NOTCH2NLB: variants seen among roughly 807,000 people sequenced by gnomAD.
The protein encoded by NOTCH2NLB is notch homolog 2 N-terminal-like protein B.
In NOTCH2NLB, 1 loss-of-function variant was observed where a neutral mutation model predicts 14.8. The ratio of observed to expected loss-of-function variants is 0.07; its 90% CI spans 0.02 to 0.32. NOTCH2NLB has a LOEUF of 0.32. Among genes scored for constraint, NOTCH2NLB ranks in the 10% least tolerant of loss-of-function variants. NOTCH2NLB has a pLI of 1.00. For synonymous variants in NOTCH2NLB, 6 were observed against 57.5 expected, an observed-to-expected ratio of 0.10 and a Z score of 4.05; for missense variants, 11 against 155.0, an observed-to-expected ratio of 0.07 and a Z score of 4.93.
downstream of NOTCH2NLB, among the ~76,000 whole-genome samples, chr1:148,605,396 T>C (rs1219007263): frequency 0.11 from 16,338 of 142,700 alleles, 2,560 homozygotes; most frequent in African/African-American, 0.23. Context: ...TTCTCTTCAT[T>C]GAATCTCCCC....
intron 2 of NOTCH2NLB, among the ~76,000 whole-genome samples, chr1:148,627,663 C>T (rs1390685949): frequency 2.0e-5 from 3 of 151,892 alleles, no homozygotes; most frequent in Non-Finnish European, 4.4e-5. Context: ...TGGCTAAGCC[C>T]TAAAATTTCA....
the NOTCH2NLB span, among the ~76,000 whole-genome samples, chr1:148,693,087 C>CA: frequency 1.2e-5 from 1 of 81,330 alleles, no homozygotes; most frequent in Non-Finnish European, 2.2e-5. Context: ...AGAAGAGAGC[C>CA]GCCCCCCCCC....
intron 1 of NOTCH2NLB, among the ~76,000 whole-genome samples, chr1:148,670,564 A>ATATATATATG: frequency 7.2e-6 from 1 of 139,118 alleles, no homozygotes; most frequent in African/African-American, 2.5e-5. Flanking sequence ...ATATATATAT[A>ATATATATATG]TATATATATA....
chr1:148,693,037 T>TAA, the NOTCH2NLB span, among the ~76,000 whole-genome samples: 16 of 140,086 alleles, frequency 1.1e-4, no homozygotes, highest in Admixed American at 2.1e-4. Flanking sequence ...ATTTAGTTTC[T>TAA]GCAACTGAAG....
chr1:148,685,628 C>A, the NOTCH2NLB span, among the ~76,000 whole-genome samples: 2 of 151,548 alleles, frequency 1.3e-5, no homozygotes, highest in African/African-American at 4.8e-5. Flanking sequence ...GAGTTCAAGA[C>A]CAGCCTGGGC....
rs1663686214 is a variant in NOTCH2NLB, at chr1:148,610,956, T to C, written c.338-3211A>G. On this transcript the variant is annotated intron_variant, in intron 3 of 4. Coordinates refer to ENST00000593495, the Ensembl canonical transcript of NOTCH2NLB. ...AGAACACACCAAGAAGAGATCCTTC[T>C]TAACAACAAAGGAAGAAGTTTTAAT... Among the ~76,000 whole-genome samples the C allele has an allele frequency of 3.9e-5, 2 of 51,472 alleles. 1 individual carries two copies. The highest frequency in any genetic ancestry group is 1.7e-3 in the South Asian group (2 of 1,190). The allele number at this position is 51,472 out of a possible 152,430, so 33.8% of individuals were successfully genotyped here. A position where few individuals can be genotyped will look rare whatever the true frequency, so the allele number is the denominator to read the frequency against.
At chr1:148,604,964 C>T (rs1368644212), downstream of NOTCH2NLB, among the ~76,000 whole-genome samples, 1 of 145,976 alleles carries the variant, frequency 6.9e-6, no homozygotes, top group African/African-American at 2.6e-5. Flanking sequence ...CACACACACA[C>T]ACACACACAC....
rs2149636159 is a variant in NOTCH2NLB, at chr1:148,679,424, C to T, written c.3+38G>A. On this transcript the variant is annotated intron_variant, in intron 1 of 4. Transcript: ENST00000593495. ...GAAGGGTCGCCCCAGGTGGCAGCCCCGGGCGCCGCGGACAGCGCCCCTCAG... is the reference window on the plus strand; with the variant it reads ...GAAGGGTCGCCCCAGGTGGCAGCCCTGGGCGCCGCGGACAGCGCCCCTCAG... 6.4e-6 allele frequency: 6 copies of T among 939,832 alleles called. 2 individuals are homozygous for T. In the South Asian group the frequency reaches 1.4e-4, roughly 22 times the overall value. The allele number at this position is 939,832 out of a possible 1,614,324, so 58.2% of individuals were successfully genotyped here.
chr1:148,622,436 G>T (rs1405984988), intron 2 of NOTCH2NLB, among the ~76,000 whole-genome samples: 1 of 81,828 alleles, frequency 1.2e-5, no homozygotes, highest in East Asian at 6.9e-4. Flanking sequence ...GTAGACTCTA[G>T]AGTGCGTGTG....
chr1:148,633,301 C>A lies in NOTCH2NLB; in HGVS notation c.77+6715G>T, dbSNP rs1446851038. The stretch of plus-strand genomic sequence containing the variant: ...GGGCGTGGTGGCTCACGCCTGTAAT[C>A]CCAGCACTTTGGGAGGCCGAGGCGG... On this transcript the variant is annotated intron_variant, in intron 2 of 4. Coordinates refer to ENST00000593495, the Ensembl canonical transcript of NOTCH2NLB. Among the ~76,000 whole-genome samples, 7 of 121,400 alleles carry A rather than the reference C, an allele frequency of 5.8e-5. 2 individuals are homozygous for A. The highest frequency in any genetic ancestry group is 2.6e-4 in the African/African-American group (7 of 27,046). 79.6% of individuals were successfully genotyped at this position (121,400 alleles called of 152,430 possible).
In NOTCH2NLB at chr1:148,625,284, A is replaced by G. The variant is rs1180009924; in HGVS notation, c.78-9334T>C. 5.8e-4 allele frequency among the ~76,000 whole-genome samples: 34 copies of G among 58,998 alleles called. 4 individuals carry two copies. The highest frequency in any genetic ancestry group is 2.7e-3 in the South Asian group (3 of 1,118). 38.7% of individuals were successfully genotyped at this position (58,998 alleles called of 152,430 possible). On this transcript the variant is annotated intron_variant, in intron 2 of 4. Coordinates refer to ENST00000593495, the Ensembl canonical transcript of NOTCH2NLB. ...TTGTTTTCTCCACCGAATGTTCTGT[A>G]TCAGCAGGGTGAGGCCAAATTGCAT...
intron 2 of NOTCH2NLB, among the ~76,000 whole-genome samples, chr1:148,637,571 C>T (rs1192224555): frequency 2.7e-5 from 4 of 148,602 alleles, no homozygotes; most frequent in African/African-American, 1.0e-4. Flanking sequence ...ATGTGAAATA[C>T]ATAAATTTTT....
At chr1:148,627,713 T>C (rs1664014997) in intron 2 of NOTCH2NLB, among the ~76,000 whole-genome samples, 1 of 151,692 alleles carries the variant, frequency 6.6e-6, no homozygotes, top group Non-Finnish European at 1.5e-5. Flanking sequence ...AAAAACAGCC[T>C]TGACACCCCC....
intron 1 of NOTCH2NLB, among the ~76,000 whole-genome samples, chr1:148,647,798 TAA>T (rs1214966341): frequency 3.3e-5 from 1 of 30,112 alleles, no homozygotes; most frequent in East Asian, 7.1e-4. Context: ...AAAAAAGCAA[TAA>T]GAGATAAATC....
chr1:148,651,159 AAAAATATAT>A (rs1229132091), intron 1 of NOTCH2NLB, among the ~76,000 whole-genome samples: 213 of 47,862 alleles, frequency 4.5e-3, no homozygotes, highest in East Asian at 0.012. Flanking sequence ...AAAAAAAAAA[AAAAATATAT>A]ATATATATAT....
chr1:148,712,457 A>G, the NOTCH2NLB span, among the ~76,000 whole-genome samples: 1 of 152,284 alleles, frequency 6.6e-6, no homozygotes, highest in Non-Finnish European at 1.5e-5. Flanking sequence ...TTTCCTGGGA[A>G]TATGTGATGA....
intron 2 of NOTCH2NLB, among the ~76,000 whole-genome samples, chr1:148,637,164 T>G (rs1391039393): frequency 0.15 from 19,607 of 126,762 alleles, 3,188 homozygotes; most frequent in African/African-American, 0.34. Context: ...TGCCTCCTGG[T>G]TTCAGGCCAT....
the NOTCH2NLB span, among the ~76,000 whole-genome samples, chr1:148,685,386 ATCT>A: frequency 7.4e-6 from 1 of 135,464 alleles, no homozygotes; most frequent in African/African-American, 2.7e-5. Flanking sequence ...AATATGGAAA[ATCT>A]TCTTACCATC....
chr1:148,604,858 C>G (rs1262716269), downstream of NOTCH2NLB, among the ~76,000 whole-genome samples: 2 of 129,110 alleles, frequency 1.5e-5, no homozygotes, highest in African/African-American at 2.9e-5. Context: ...ATATATTTAT[C>G]CAAAGCTGAA....
Sources: allele counts gnomAD v4.1 joint callset (sites outside exome capture counted in the v4.1 genomes callset), GRCh38; gene constraint gnomAD v4.1.1; transcripts MANE v1.5; gene names NCBI Gene and HGNC (gene_info 2026-07-23, HGNC 2026-07-21).